PDE4B: variants seen among roughly 807,000 people sequenced by gnomAD.
PDE4B encodes phosphodiesterase 4B.
PDE4B carries 20 observed loss-of-function variants against 82.2 expected under a neutral mutation model. That is an observed-to-expected ratio of 0.24 (90% confidence interval 0.17 to 0.35). The LOEUF is 0.35. Ranked by LOEUF, PDE4B falls within the 10% of genes least tolerant of loss-of-function variation. The probability of loss-of-function intolerance (pLI) is 1.00; values close to 1 mark genes in which losing one functional copy is unlikely to be tolerated. For synonymous variants in PDE4B, 320 were observed against 318.9 expected, an observed-to-expected ratio of 1.00 and a Z score of -0.04; for missense variants, 655 against 907.2, an observed-to-expected ratio of 0.72 and a Z score of 3.57.
chr1:66,028,704 G>T (rs1330743540), intron 3 of PDE4B, among the ~76,000 whole-genome samples: 1 of 151,974 alleles, frequency 6.6e-6, no homozygotes, highest in South Asian at 2.1e-4. Flanking sequence ...TCCTTTTTAG[G>T]TTCAAAGTTC....
At chr1:66,175,843 A>G (rs1646921390) in intron 3 of PDE4B, among the ~76,000 whole-genome samples, 1 of 152,180 alleles carries the variant, frequency 6.6e-6, no homozygotes, top group Admixed American at 6.5e-5. Context: ...TTTAGCATGG[A>G]ACTATGTATT....
At chr1:66,345,144 C>T (rs192030715) in intron 8 of PDE4B, among the ~76,000 whole-genome samples, 3 of 151,962 alleles carry the variant, frequency 2.0e-5, no homozygotes, top group Non-Finnish European at 2.9e-5. Context: ...GAAAGATAAC[C>T]GATTTGTCCA....
chr1:66,337,263 C>T (rs1660598359), intron 8 of PDE4B, among the ~76,000 whole-genome samples: 2 of 152,200 alleles, frequency 1.3e-5, no homozygotes, highest in Admixed American at 1.3e-4. Context: ...CCTGGCCTTC[C>T]TTCTGCTGCC....
At chr1:66,255,457 C>A (rs902976971) in intron 4 of PDE4B, among the ~76,000 whole-genome samples, 3 of 152,162 alleles carry the variant, frequency 2.0e-5, no homozygotes, top group Non-Finnish European at 4.4e-5. Flanking sequence ...ATAATATGAG[C>A]GTGGGAGGCC....
intron 3 of PDE4B, among the ~76,000 whole-genome samples, chr1:66,219,904 AC>A (rs1377579682): frequency 6.6e-6 from 1 of 152,142 alleles, no homozygotes; most frequent in African/African-American, 2.4e-5. Flanking sequence ...GAGACAACAT[AC>A]TGTGTACAAT....
intron 3 of PDE4B, among the ~76,000 whole-genome samples, chr1:65,922,753 C>G (rs1184273561): frequency 1.3e-5 from 2 of 152,186 alleles, no homozygotes; most frequent in Non-Finnish European, 2.9e-5. Flanking sequence ...TATTCATTCT[C>G]TCTGGGAAAT....
chr1:66,145,589 T>C (rs1646253503), intron 3 of PDE4B, among the ~76,000 whole-genome samples: 1 of 152,216 alleles, frequency 6.6e-6, no homozygotes, highest in Non-Finnish European at 1.5e-5. Context: ...GTATGATGAA[T>C]GCAGTTATGT....
At chr1:66,266,242 C>G in intron 7 of PDE4B, 155 bp downstream of exon 7, 1 of 667,514 alleles carries the variant, frequency 1.5e-6, no homozygotes. Flanking sequence ...TACACTGGAG[C>G]ATTACTTCAC....
At chr1:66,216,963 T>C (rs777130379) in intron 3 of PDE4B, among the ~76,000 whole-genome samples, 1 of 152,176 alleles carries the variant, frequency 6.6e-6, no homozygotes, top group Non-Finnish European at 1.5e-5. Flanking sequence ...CAGCCTGTTA[T>C]AAATTCCCTT....
At chr1:65,911,687 T>G (rs1176290138) in intron 1 of PDE4B, among the ~76,000 whole-genome samples, 1 of 152,192 alleles carries the variant, frequency 6.6e-6, no homozygotes, top group East Asian at 1.9e-4. Context: ...AGGGGCATCG[T>G]AGTTCTAATC....
chr1:65,874,646 C>T (rs1646617106), intron 1 of PDE4B, among the ~76,000 whole-genome samples: 2 of 151,764 alleles, frequency 1.3e-5, no homozygotes, highest in South Asian at 2.1e-4. Context: ...ACGCCGCATA[C>T]CTACAACTAT....
intron 3 of PDE4B, among the ~76,000 whole-genome samples, chr1:66,086,319 C>T (rs930004141): frequency 3.9e-5 from 6 of 152,088 alleles, no homozygotes; most frequent in African/African-American, 7.2e-5. Context: ...TCGAAGAGCA[C>T]GCAGTCAGGT....
chr1:66,016,616 G>A (rs975431157), intron 3 of PDE4B, among the ~76,000 whole-genome samples: 1 of 152,068 alleles, frequency 6.6e-6, no homozygotes, highest in Non-Finnish European at 1.5e-5. Context: ...AAAATGCAAG[G>A]AACATCTAAA....
chr1:66,235,350 A>G (rs1321043155), intron 3 of PDE4B, among the ~76,000 whole-genome samples: 2 of 151,958 alleles, frequency 1.3e-5, no homozygotes, highest in African/African-American at 4.8e-5. Flanking sequence ...AGTTTTATCA[A>G]TTTTTGCCTT....
chr1:66,049,992 A>G (rs561154639), intron 3 of PDE4B, among the ~76,000 whole-genome samples: 40 of 152,224 alleles, frequency 2.6e-4, no homozygotes, highest in African/African-American at 9.1e-4. Context: ...TATTTTTAGA[A>G]GAATAATTCA....
intron 3 of PDE4B, among the ~76,000 whole-genome samples, chr1:66,123,807 T>A (rs1417290580): frequency 1.3e-5 from 2 of 152,218 alleles, no homozygotes; most frequent in African/African-American, 2.4e-5. Flanking sequence ...GTACTTGTGA[T>A]CATTAAATCC....
intron 3 of PDE4B, among the ~76,000 whole-genome samples, chr1:66,081,296 C>A (rs10493395): frequency 0.09 from 13,619 of 152,088 alleles, 1,183 homozygotes; most frequent in East Asian, 0.26. Flanking sequence ...CCATTTCATT[C>A]AAAAACTTCA....
rs141724740 is a variant in PDE4B at position 65,936,367 on chromosome 1, C to T, written c.281+17532C>T. Among the ~76,000 whole-genome samples the T allele has an allele frequency of 4.2e-4, 64 of 152,244 alleles. 1 individual carries two copies. The East Asian group carries it at 6.7e-3, about 16-fold the overall frequency. On this transcript the variant is annotated intron_variant, in intron 3 of 16. Coordinates refer to ENST00000341517, the MANE Select transcript of PDE4B (RefSeq NM_002600.4). The stretch of plus-strand genomic sequence containing the variant: ...TACACCAGCATCACCACCACAAGCA[C>T]GTGAGTAATGCTACGACATTATTAT...
intron 3 of PDE4B, among the ~76,000 whole-genome samples, chr1:66,063,808 CAAAT>C (rs1355172807): frequency 4.0e-5 from 6 of 151,754 alleles, no homozygotes; most frequent in Non-Finnish European, 8.8e-5. Context: ...TAAATGTGTT[CAAAT>C]AAATGAATGA....
Sources: allele counts gnomAD v4.1 joint callset (sites outside exome capture counted in the v4.1 genomes callset), GRCh38; gene constraint gnomAD v4.1.1; transcripts MANE v1.5; gene names NCBI Gene and HGNC (gene_info 2026-07-23, HGNC 2026-07-21).